The following ITFG1 variants were observed in gnomAD, a reference collection of about 807,000 sequenced individuals.
ITFG1 encodes the protein integrin alpha FG-GAP repeat containing 1.
Under a neutral mutation model 81.8 loss-of-function variants are expected in ITFG1, and 34 were observed. The observed-to-expected ratio is 0.42, with a 90% CI of 0.32 to 0.55. ITFG1 has a LOEUF of 0.55. Among genes scored for constraint, ITFG1 ranks in the 20% least tolerant of loss-of-function variants. The pLI, the probability that ITFG1 is intolerant of heterozygous loss-of-function variation, is 0.17. For missense variants in ITFG1, 672 were observed against 755.4 expected (o/e 0.89, Z 1.29); for synonymous variants, 285 against 270.6 (o/e 1.05, Z -0.52).
At chr16:47,272,616 G>A (rs532201879) in intron 10 of ITFG1, among the ~76,000 whole-genome samples, 4 of 152,034 alleles carry the variant, frequency 2.6e-5, no homozygotes, top group South Asian at 2.1e-4. Context: ...GGCTGGTCTC[G>A]AACTCCTGAC....
At chr16:47,295,830 TC>T (rs1966973258) in intron 10 of ITFG1, among the ~76,000 whole-genome samples, 1 of 152,164 alleles carries the variant, frequency 6.6e-6, no homozygotes, top group African/African-American at 2.4e-5. Context: ...TTATTTCTTT[TC>T]TTCTGCTAGC....
At chr16:47,396,174 C>T (rs1013452993) in intron 6 of ITFG1, 1 of 985,130 alleles carries the variant, frequency 1.0e-6, no homozygotes, top group Non-Finnish European at 1.2e-6. Flanking sequence ...CTACATTTGC[C>T]TCTGAAGAAA....
At chr16:47,293,007 A>G (rs1966927746) in intron 10 of ITFG1, among the ~76,000 whole-genome samples, 1 of 150,002 alleles carries the variant, frequency 6.7e-6, no homozygotes. Context: ...ATGGTTGAGT[A>G]GTATTCCATG....
intron 10 of ITFG1, among the ~76,000 whole-genome samples, chr16:47,302,988 T>C (rs960018631): frequency 6.6e-6 from 1 of 152,106 alleles, no homozygotes; most frequent in African/African-American, 2.4e-5. Context: ...AAATAGACGA[T>C]AGGCTGGGGG....
At chr16:47,279,375 A>T (rs951319558) in intron 10 of ITFG1, among the ~76,000 whole-genome samples, 2 of 151,950 alleles carry the variant, frequency 1.3e-5, no homozygotes, top group East Asian at 3.9e-4. Flanking sequence ...TTCCAATACC[A>T]TCTGTTATAA....
chr16:47,351,523 C>T (rs1327599897), intron 8 of ITFG1, among the ~76,000 whole-genome samples: 1 of 152,110 alleles, frequency 6.6e-6, no homozygotes, highest in Non-Finnish European at 1.5e-5. Flanking sequence ...AGGACCTCTT[C>T]AAGGAGAACT....
chr16:47,407,538 G>GA, intron 6 of ITFG1, among the ~76,000 whole-genome samples: 1 of 152,094 alleles, frequency 6.6e-6, no homozygotes. Flanking sequence ...GTAGAAATAG[G>GA]GTTTTGCCAT....
rs140662748 is a variant in ITFG1 at position 47,264,643 on chromosome 16, G to A, written c.1071-3948C>T. 4.6e-5 allele frequency among the ~76,000 whole-genome samples: 7 copies of A among 151,532 alleles called. No individual in the cohort carries two copies. The East Asian group carries it at 1.4e-3, about 29-fold the overall frequency. On this transcript the variant is annotated intron_variant, in intron 10 of 17. Transcript: ENST00000320640. ...GGAACTTGTACGAGAAATTCCAGAT[G>A]ACAGTCATCTGGTCAAAGGATATGG...
chr16:47,381,056 A>C lies in ITFG1; in HGVS notation c.656-5116T>G, dbSNP rs1360986143. Reference sequence around the variant, plus strand: ...TTATGCTTCAATTATCTCCATTCATAGCTTGAAAGGAGTAAGCTACTGCAT... The same window carrying C: ...TTATGCTTCAATTATCTCCATTCATCGCTTGAAAGGAGTAAGCTACTGCAT... On this transcript the variant is annotated intron_variant, in intron 6 of 17. Coordinates refer to ENST00000320640, the MANE Select transcript of ITFG1 (RefSeq NM_030790.5). Among the ~76,000 whole-genome samples, 7 of 152,230 alleles carry C rather than the reference A, an allele frequency of 4.6e-5. No individual in the cohort carries two copies. In the East Asian group the frequency reaches 1.3e-3, roughly 29 times the overall value.
At chr16:47,207,121 C>T (rs984020136) in intron 14 of ITFG1, among the ~76,000 whole-genome samples, 16 of 152,104 alleles carry the variant, frequency 1.1e-4, no homozygotes, top group Admixed American at 2.6e-4. Context: ...CTCGCTCTGT[C>T]GCCCAGGCTG....
At chr16:47,368,555 CAAAAAAAAA>C (rs35965452) in intron 7 of ITFG1, among the ~76,000 whole-genome samples, 6 of 33,548 alleles carry the variant, frequency 1.8e-4, no homozygotes, top group African/African-American at 6.8e-4. Context: ...GACTCCATCT[CAAAAAAAAA>C]AAAAAAAAAA....
At chr16:47,222,469 A>G (rs564055277) in intron 13 of ITFG1, among the ~76,000 whole-genome samples, 2 of 146,022 alleles carry the variant, frequency 1.4e-5, no homozygotes, top group East Asian at 4.0e-4. Flanking sequence ...GCCGGAGTGC[A>G]GTGGCGCGAT....
chr16:47,290,259 G>C (rs1379788780), intron 10 of ITFG1, among the ~76,000 whole-genome samples: 2 of 152,128 alleles, frequency 1.3e-5, no homozygotes, highest in African/African-American at 4.8e-5. Context: ...ACCCTGGAGA[G>C]TGCTGATGGA....
intron 14 of ITFG1, among the ~76,000 whole-genome samples, chr16:47,203,184 G>T (rs993790693): frequency 6.6e-6 from 1 of 152,176 alleles, no homozygotes; most frequent in African/African-American, 2.4e-5. Context: ...AGAAAATTCT[G>T]AAACATGCTA....
At chr16:47,425,296 G>C (rs548806862) in intron 6 of ITFG1, among the ~76,000 whole-genome samples, 1 of 152,274 alleles carries the variant, frequency 6.6e-6, no homozygotes, top group South Asian at 2.1e-4. Flanking sequence ...CTAAGACCGT[G>C]GGAAAAGCAC....
At chr16:47,297,438 A>G (rs1966999903) in intron 10 of ITFG1, among the ~76,000 whole-genome samples, 1 of 152,110 alleles carries the variant, frequency 6.6e-6, no homozygotes, top group Non-Finnish European at 1.5e-5. Context: ...AATATTTTAT[A>G]CTTTCCCGCA....
In ITFG1 at chr16:47,428,885, G is replaced by T. The variant is rs1005442924; in HGVS notation, c.574C>A (p.His192Asn). 6.3e-7 allele frequency: 1 copy of T among 1,582,460 alleles called. No homozygotes were observed. The highest frequency in any genetic ancestry group is 8.6e-7 in the Non-Finnish European group (1 of 1,160,338). ...TTACTTGTAGTGGTCAATGCTGGAT[G>T]CCATGATAAATTCCTAAAAAATAAA... is the stretch of plus-strand genomic sequence containing the variant. ...QILLGGNLSW[H>N]PALTTTSKMR... Residue 192 changes from histidine to asparagine, a missense_variant, in exon 6 of 18, where the codon CAT (histidine) becomes AAT (asparagine). Physicochemically the swap from His to Asn is moderately conservative, Grantham distance 68. Around this residue, in one of 3 missense-constraint regions of ITFG1, gnomAD observed 560 missense variants for 625.7 expected, o/e 0.90. Coordinates refer to ENST00000320640, the MANE Select transcript of ITFG1 (RefSeq NM_030790.5).
intron 10 of ITFG1, among the ~76,000 whole-genome samples, chr16:47,293,271 T>C (rs1051883943): frequency 2.7e-5 from 4 of 150,582 alleles, no homozygotes; most frequent in Admixed American, 2.7e-4. Flanking sequence ...TGAACTTAGG[T>C]TGATTACATA....
chr16:47,385,830 A>G (rs574530268), intron 6 of ITFG1, among the ~76,000 whole-genome samples: 37 of 152,342 alleles, frequency 2.4e-4, no homozygotes, highest in African/African-American at 8.7e-4. Flanking sequence ...AAAACTGAAG[A>G]CTTAAAACAC....
Sources: gnomAD v4.1 joint callset for allele counts (sites outside exome capture counted in the v4.1 genomes callset) on GRCh38, gnomAD v4.1.1 for gene constraint, gnomAD v4.1.1 regional missense constraint, MANE v1.5 for transcripts, NCBI Gene and HGNC (gene_info 2026-07-23, HGNC 2026-07-21) for gene names.